Variants in GPC6 observed in about 807,000 individuals in gnomAD.
The protein encoded by GPC6 is glypican 6.
A neutral mutation model predicts 55.2 loss-of-function variants in GPC6; 14 were observed. The ratio of observed to expected loss-of-function variants is 0.25; its 90% CI spans 0.17 to 0.40. The LOEUF is 0.40. Among genes scored for constraint, GPC6 ranks in the 10% least tolerant of loss-of-function variants. The pLI is 1.00. For missense variants in GPC6, 641 were observed against 708.5 expected (o/e 0.90, Z 1.08); for synonymous variants, 278 against 259.6 (o/e 1.07, Z -0.68).
chr13:93,719,467 G>A (rs1207393948), intron 2 of GPC6, among the ~76,000 whole-genome samples: 2 of 151,690 alleles, frequency 1.3e-5, no homozygotes, highest in African/African-American at 2.4e-5. Flanking sequence ...TGCTTATCAG[G>A]TGAAGAAGTT....
At chr13:93,786,550 A>C (rs1001801570) in intron 2 of GPC6, among the ~76,000 whole-genome samples, 1 of 152,002 alleles carries the variant, frequency 6.6e-6, no homozygotes, top group South Asian at 2.1e-4. Context: ...GCTACTATAC[A>C]TGGCCAGCCA....
At chr13:93,381,013 G>A (rs564245969) in intron 1 of GPC6, among the ~76,000 whole-genome samples, 3 of 152,228 alleles carry the variant, frequency 2.0e-5, no homozygotes, top group South Asian at 4.2e-4. Context: ...TTTATTTTAA[G>A]TGTCTCATTT....
chr13:94,260,075 G>A lies in GPC6; in HGVS notation c.878-26274G>A, dbSNP rs146619859. 2.5e-3 allele frequency among the ~76,000 whole-genome samples: 378 copies of A among 152,190 alleles called. 5 individuals carry two copies. The highest frequency in any genetic ancestry group is 8.7e-3 in the African/African-American group (362 of 41,502). On this transcript the variant is annotated intron_variant, in intron 4 of 8. Coordinates refer to ENST00000377047, the MANE Select transcript of GPC6 (RefSeq NM_005708.5). ...CTCACTGAAACTTAGGGACAAACGG[G>A]ATGTTCTTAACCTGTTGCAGATGTT...
intron 4 of GPC6, among the ~76,000 whole-genome samples, chr13:94,234,569 A>G (rs927109282): frequency 3.3e-5 from 5 of 149,686 alleles, no homozygotes; most frequent in African/African-American, 1.2e-4. Flanking sequence ...AAACAAGTTA[A>G]TATTATCTTG....
chr13:93,730,083 C>G (rs1244870454), intron 2 of GPC6, among the ~76,000 whole-genome samples: 1 of 152,066 alleles, frequency 6.6e-6, no homozygotes, highest in African/African-American at 2.4e-5. Flanking sequence ...CTCATTTACC[C>G]GTATACTGAT....
At chr13:93,763,535 A>G (rs1324061846) in intron 2 of GPC6, among the ~76,000 whole-genome samples, 1 of 152,214 alleles carries the variant, frequency 6.6e-6, no homozygotes, top group Non-Finnish European at 1.5e-5. Context: ...ATCAGGCATC[A>G]TTCAAGGAGT....
chr13:93,529,860 G>A (rs1213489732), intron 1 of GPC6, among the ~76,000 whole-genome samples: 2 of 152,058 alleles, frequency 1.3e-5, no homozygotes, highest in Admixed American at 6.6e-5. Context: ...TTCTTCTGCA[G>A]CACCAGGCAT....
intron 7 of GPC6, among the ~76,000 whole-genome samples, chr13:94,392,040 T>C (rs574155132): frequency 6.6e-6 from 1 of 152,334 alleles, no homozygotes; most frequent in African/African-American, 2.4e-5. Flanking sequence ...TCTCCATTCA[T>C]CCATAAATGG....
intron 1 of GPC6, among the ~76,000 whole-genome samples, chr13:93,230,777 G>A (rs1875978407): frequency 6.6e-6 from 1 of 152,044 alleles, no homozygotes; most frequent in African/African-American, 2.4e-5. Flanking sequence ...TCCTCCTCAT[G>A]TTGGTGGCTC....
intron 6 of GPC6, among the ~76,000 whole-genome samples, chr13:94,337,187 C>T (rs887708642): frequency 1.3e-5 from 2 of 152,166 alleles, no homozygotes; most frequent in Non-Finnish European, 2.9e-5. Flanking sequence ...GGAGAGAACT[C>T]TTCAGAAGAC....
upstream of GPC6, among the ~76,000 whole-genome samples, chr13:93,223,898 T>A (rs1264384044): frequency 4.3e-4 from 1 of 2,342 alleles, no homozygotes; most frequent in East Asian, 0.045. Context: ...TTTGTTTGCT[T>A]TTTTTTTTTT....
intron 3 of GPC6, among the ~76,000 whole-genome samples, chr13:93,998,880 A>G (rs1881673062): frequency 6.6e-6 from 1 of 152,134 alleles, no homozygotes; most frequent in South Asian, 2.1e-4. Flanking sequence ...GTGATTTTCA[A>G]GAATATTATT....
chr13:93,866,822 G>T (rs949385752), intron 3 of GPC6, among the ~76,000 whole-genome samples: 2 of 151,594 alleles, frequency 1.3e-5, no homozygotes, highest in African/African-American at 4.8e-5. Context: ...CCCCCATTAC[G>T]TATGTTTACT....
intron 3 of GPC6, among the ~76,000 whole-genome samples, chr13:93,940,015 CTT>C (rs1336650831): frequency 6.6e-6 from 1 of 151,996 alleles, no homozygotes; most frequent in Non-Finnish European, 1.5e-5. Context: ...ATATGCATAA[CTT>C]ATTATGAAAA....
chr13:93,308,730 C>A (rs1242798812), intron 1 of GPC6, among the ~76,000 whole-genome samples: 1 of 152,248 alleles, frequency 6.6e-6, no homozygotes, highest in Non-Finnish European at 1.5e-5. Flanking sequence ...GCGTAAGCCA[C>A]TGCACTGGGC....
chr13:93,621,899 A>T (rs1038560357), intron 2 of GPC6, among the ~76,000 whole-genome samples: 2 of 152,136 alleles, frequency 1.3e-5, no homozygotes, highest in Non-Finnish European at 2.9e-5. Context: ...TGGCATTTTG[A>T]AATATGCAAT....
At chr13:94,274,875 C>G (rs944802244) in intron 4 of GPC6, among the ~76,000 whole-genome samples, 1 of 151,968 alleles carries the variant, frequency 6.6e-6, no homozygotes. Flanking sequence ...CAATAAGATT[C>G]TGAATTCCCA....
chr13:93,947,204 T>C (rs1702888956), intron 3 of GPC6, among the ~76,000 whole-genome samples: 1 of 152,216 alleles, frequency 6.6e-6, no homozygotes, highest in Non-Finnish European at 1.5e-5. Context: ...GGTTGCCTGC[T>C]GGATGCTTGA....
At chr13:93,637,999 A>G (rs561967572) in intron 2 of GPC6, among the ~76,000 whole-genome samples, 9 of 152,258 alleles carry the variant, frequency 5.9e-5, no homozygotes, top group African/African-American at 2.2e-4. Flanking sequence ...AAAATAATAA[A>G]TTATAAAAAC....
Sources: gnomAD v4.1 joint callset for allele counts (sites outside exome capture counted in the v4.1 genomes callset) on GRCh38, gnomAD v4.1.1 for gene constraint, MANE v1.5 for transcripts, NCBI Gene and HGNC (gene_info 2026-07-23, HGNC 2026-07-21) for gene names.